The following CNN1 variants were observed in gnomAD, a reference collection of about 807,000 sequenced individuals.
The protein encoded by CNN1 is calponin 1, also known as calponin-1.
A neutral mutation model predicts 35.3 loss-of-function variants in CNN1; 21 were observed. The ratio of observed to expected loss-of-function variants is 0.60; its 90% CI spans 0.42 to 0.86. CNN1 has a LOEUF of 0.86. Ranked by LOEUF, CNN1 falls within the 40% of genes least tolerant of loss-of-function variation. The pLI, the probability that CNN1 is intolerant of heterozygous loss-of-function variation, is 0.00. For missense variants in CNN1, 314 were observed against 400.8 expected, an observed-to-expected ratio of 0.78 and a Z score of 1.85; for synonymous variants, 164 against 161.8, an observed-to-expected ratio of 1.01 and a Z score of -0.10.
chr19:11,541,324 C>G, intron 2 of CNN1, 127 bp downstream of exon 2: 4 of 1,254,524 alleles, frequency 3.2e-6, no homozygotes, highest in Non-Finnish European at 4.3e-6. Flanking sequence ...TTGGGGTGGC[C>G]AGTAATCATT....
At chr19:11,539,216 A>G in intron 1 of CNN1, 1 of 1,266,930 alleles carries the variant, frequency 7.9e-7, no homozygotes, top group Non-Finnish European at 1.0e-6. Flanking sequence ...ACATAAACAG[A>G]GGGGGTCAGT....
At chr19:11,540,995 A>G (rs7246527) in intron 1 of CNN1, 81 bp from the exon 2 acceptor site, 129,878 of 1,435,472 alleles carry the variant, frequency 0.09, 18,009 homozygotes, top group African/African-American at 0.65. Flanking sequence ...TAGGAAGTTC[A>G]GACAGGACCC....
intron 2 of CNN1, chr19:11,541,839 T>TA (rs1350154269): frequency 1.3e-5 from 2 of 151,712 alleles, no homozygotes; most frequent in Admixed American, 6.6e-5. Context: ...TTGATCCACC[T>TA]ACCTCAGCCT....
intron 2 of CNN1, among the ~76,000 whole-genome samples, chr19:11,545,170 C>T (rs1972552285): frequency 2.7e-5 from 4 of 150,920 alleles, no homozygotes; most frequent in African/African-American, 4.9e-5. Context: ...CACTGCCTTC[C>T]AGCCTGAGTG....
At chr19:11,543,594 C>T (rs1348709611) in intron 2 of CNN1, among the ~76,000 whole-genome samples, 3 of 151,380 alleles carry the variant, frequency 2.0e-5, no homozygotes, top group Non-Finnish European at 4.4e-5. Flanking sequence ...TCCTGGCTAA[C>T]ACGGTGAAAC....
intron 2 of CNN1, among the ~76,000 whole-genome samples, chr19:11,543,492 A>AATAATAATAATAAT (rs1334279829): frequency 7.0e-6 from 1 of 142,642 alleles, no homozygotes; most frequent in East Asian, 2.0e-4. Context: ...ATAATAATAA[A>AATAATAATAATAAT]AGAGTGGGCC....
chr19:11,546,062 A>G (rs1458627876), intron 2 of CNN1, among the ~76,000 whole-genome samples: 1 of 152,142 alleles, frequency 6.6e-6, no homozygotes, highest in African/African-American at 2.4e-5. Context: ...GCTGTCTACA[A>G]GAGAAAAGGA....
At chr19:11,546,653 AC>A in intron 2 of CNN1, 21 bp from the exon 3 acceptor site, 1 of 1,613,468 alleles carries the variant, frequency 6.2e-7, no homozygotes, top group Non-Finnish European at 8.5e-7. Flanking sequence ...CACCTTTCTT[AC>A]CCCTTCCCCA....
intron 5 of CNN1, among the ~76,000 whole-genome samples, chr19:11,548,716 A>T (rs559630056): frequency 6.0e-4 from 91 of 151,868 alleles, no homozygotes; most frequent in Non-Finnish European, 1.2e-3. Flanking sequence ...GCACACCTGT[A>T]GTCCCAGCTA....
chr19:11,547,764 C>A, intron 4 of CNN1, 33 bp from the exon 5 acceptor site: 1 of 1,586,948 alleles, frequency 6.3e-7, no homozygotes, highest in South Asian at 1.1e-5. Context: ...TGGAGGCCCC[C>A]TTGTCAGTCC....
chr19:11,543,676 G>A (rs149486144), intron 2 of CNN1, among the ~76,000 whole-genome samples: 183 of 151,386 alleles, frequency 1.2e-3, no homozygotes, highest in Middle Eastern at 3.4e-3. Context: ...CCAGCTACTC[G>A]GGAGGCTGAG....
intron 2 of CNN1, among the ~76,000 whole-genome samples, chr19:11,542,684 T>C (rs1332978552): frequency 2.0e-5 from 3 of 151,294 alleles, no homozygotes; most frequent in African/African-American, 7.3e-5. Flanking sequence ...CAAGCAATTC[T>C]CCTGCCTCAG....
rs143221068 is a variant in CNN1 at position 11,543,304 on chromosome 19, C to G, written c.185+2107C>G. ...GGTCAAGGCTGCAGTGAGCTATGAT[C>G]GCGCCACTGCACTCCAGCCTGGGCA... is the stretch of plus-strand genomic sequence containing the variant. On this transcript the variant is annotated intron_variant, in intron 2 of 6. Transcript: ENST00000252456. Among the ~76,000 whole-genome samples, 1,180 of 150,862 alleles carry G rather than the reference C, an allele frequency of 7.8e-3. 22 individuals are homozygous for G. Among genetic ancestry groups the G allele is most frequent in the East Asian group, 0.074 (373 of 5,060 alleles).
chr19:11,547,960 G>A, intron 5 of CNN1, 53 bp downstream of exon 5: 1 of 1,436,476 alleles, frequency 7.0e-7, no homozygotes, highest in Non-Finnish European at 9.6e-7. Context: ...AGGGCACCCT[G>A]ATGTCTGAAG....
chr19:11,542,917 C>T (rs147700442), intron 2 of CNN1, among the ~76,000 whole-genome samples: 3 of 152,278 alleles, frequency 2.0e-5, no homozygotes, highest in East Asian at 1.9e-4. Context: ...ACCCAGCCTG[C>T]GCCCGATCTG....
At chr19:11,543,111 C>T (rs1049156091) in intron 2 of CNN1, among the ~76,000 whole-genome samples, 1 of 152,168 alleles carries the variant, frequency 6.6e-6, no homozygotes, top group Non-Finnish European at 1.5e-5. Flanking sequence ...TGTCCCAGCT[C>T]AGGCAGAGGA....
chr19:11,540,188 TG>T lies in CNN1; in HGVS notation c.64-882del, dbSNP rs527558355. ...GTGGAGAGAGGGAAAAGCAGGGAGG[TG>T]GGGGGAGAGGCAGACAGAGATACTG... On this transcript the variant is annotated intron_variant, in intron 1 of 6. Transcript: ENST00000252456. The T allele has an allele frequency of 6.9e-4, 265 of 383,022 alleles. No individual in the cohort carries two copies. The African/African-American group carries it at 7.5e-3, about 11-fold the overall frequency. The allele number at this position is 383,022 out of a possible 1,614,324, so 23.7% of individuals were successfully genotyped here.
At position 11,549,605 on chromosome 19, in the gene CNN1, T is replaced by C. The variant is rs765560443; in HGVS notation, c.704T>C (p.Met235Thr). 2.5e-6 allele frequency: 4 copies of C among 1,608,672 alleles called. No individual in the cohort carries two copies. In the South Asian group the frequency reaches 3.3e-5, roughly 13 times the overall value. ...KRQIFEPGLG[M>T]EHCDTLNVSL... ...CAGATCTTCGAGCCGGGGCTGGGCA[T>C]GGAGCACTGCGACACGCTCAATGTC... is the stretch of plus-strand genomic sequence containing the variant. The change falls in exon 7 of 7, where the codon ATG becomes ACG. Residue 235 changes from methionine to threonine, a missense_variant. Coordinates refer to ENST00000252456, the MANE Select transcript of CNN1 (RefSeq NM_001299.6). The surrounding 1 kb of genome is among the most constrained non-coding windows in gnomAD (Gnocchi z 5.2).
intron 5 of CNN1, among the ~76,000 whole-genome samples, chr19:11,548,318 T>G (rs1972637832): frequency 6.6e-6 from 1 of 152,036 alleles, no homozygotes; most frequent in Non-Finnish European, 1.5e-5. Context: ...GGCAGGAGGA[T>G]TGCTTGAGGT....
Sources: allele counts gnomAD v4.1 joint callset (sites outside exome capture counted in the v4.1 genomes callset), GRCh38; gene constraint gnomAD v4.1.1; non-coding constraint Gnocchi (gnomAD v3.1); transcripts MANE v1.5; gene names NCBI Gene and HGNC (gene_info 2026-07-23, HGNC 2026-07-21).